Variants in LAMC1 observed in about 807,000 individuals in gnomAD.
LAMC1 encodes the protein laminin subunit gamma-1.
LAMC1 carries 38 observed loss-of-function variants against 173.6 expected under a neutral mutation model. The ratio of observed to expected loss-of-function variants is 0.22; its 90% CI spans 0.17 to 0.29. LAMC1 has a LOEUF of 0.29. Among genes scored for constraint, LAMC1 ranks in the 10% least tolerant of loss-of-function variants. The pLI, the probability that LAMC1 is intolerant of heterozygous loss-of-function variation, is 1.00. For missense variants in LAMC1, 1,824 were observed against 2,051.8 expected, an observed-to-expected ratio of 0.89 and a Z score of 2.14; for synonymous variants, 746 against 749.1, an observed-to-expected ratio of 1.00 and a Z score of 0.07.
chr1:183,119,089 G>C (rs931823435), intron 11 of LAMC1, among the ~76,000 whole-genome samples: 2 of 151,912 alleles, frequency 1.3e-5, no homozygotes, highest in African/African-American at 4.8e-5. Flanking sequence ...TAGAGATGGG[G>C]TTTTACCATA....
At chr1:183,127,446 G>A (rs370791174) in intron 17 of LAMC1, 42 bp downstream of exon 17, 32 of 1,576,786 alleles carry the variant, frequency 2.0e-5, no homozygotes, top group Middle Eastern at 1.7e-4. Flanking sequence ...TCCAGCAGAC[G>A]TTGAGTGGCA....
At chr1:183,044,454 G>T (rs1654214021) in intron 1 of LAMC1, among the ~76,000 whole-genome samples, 1 of 152,030 alleles carries the variant, frequency 6.6e-6, no homozygotes, top group Admixed American at 6.6e-5. Flanking sequence ...AAACCATTAG[G>T]TCAGTAACTT....
chr1:183,107,466 G>A (rs949047142), intron 2 of LAMC1, among the ~76,000 whole-genome samples: 2 of 152,232 alleles, frequency 1.3e-5, no homozygotes, highest in African/African-American at 2.4e-5. Flanking sequence ...ATTTATTAGC[G>A]AGTACTTGAG....
intron 5 of LAMC1, 83 bp from the exon 6 acceptor site, chr1:183,115,437 A>T: frequency 1.1e-6 from 1 of 902,538 alleles, no homozygotes; most frequent in Non-Finnish European, 1.8e-6. Context: ...GCTTTTAATT[A>T]CCAGTTATCT....
At chr1:183,116,189 G>A (rs6679642) in intron 6 of LAMC1, among the ~76,000 whole-genome samples, 78,239 of 151,082 alleles carry the variant, frequency 0.52, 20,918 homozygotes, top group South Asian at 0.65. Flanking sequence ...TTTTAAAAAA[G>A]TCTGTTGGCT....
At chr1:183,082,543 C>T (rs769364083) in intron 1 of LAMC1, among the ~76,000 whole-genome samples, 1 of 152,050 alleles carries the variant, frequency 6.6e-6, no homozygotes, top group Non-Finnish European at 1.5e-5. Flanking sequence ...TGTGTGTGTA[C>T]GCAGGAGTTG....
At chr1:183,067,098 A>T (rs1654894151) in intron 1 of LAMC1, among the ~76,000 whole-genome samples, 1 of 152,216 alleles carries the variant, frequency 6.6e-6, no homozygotes, top group African/African-American at 2.4e-5. Context: ...AGAGTGCATT[A>T]TAAGGTTAAT....
intron 1 of LAMC1, among the ~76,000 whole-genome samples, chr1:183,080,253 A>AAG (rs1655234962): frequency 6.6e-6 from 1 of 152,114 alleles, no homozygotes; most frequent in Non-Finnish European, 1.5e-5. Context: ...AGAAAAAAAA[A>AAG]TTTTTTTTGC....
At chr1:183,036,096 CTTTTTTT>C (rs35129932) in intron 1 of LAMC1, among the ~76,000 whole-genome samples, 1 of 137,426 alleles carries the variant, frequency 7.3e-6, no homozygotes. Flanking sequence ...TGAATGAATT[CTTTTTTT>C]TTTTTTTTTT....
Position 183,137,334 on chromosome 1 carries a change from C to T in LAMC1, c.4315-335C>T, listed in dbSNP as rs1379073558. Among the ~76,000 whole-genome samples, 3 of 152,090 alleles carry T rather than the reference C, an allele frequency of 2.0e-5. No homozygotes were observed. In the East Asian group the frequency reaches 5.8e-4, roughly 29 times the overall value. On this transcript the variant is annotated intron_variant, in intron 25 of 27. Transcript: ENST00000258341. Reference sequence around the variant, plus strand: ...CGAAAGCATCTAATCAATATGATGTCGTAGAAAGTGTATGCCATTAAATGT... The same window carrying T: ...CGAAAGCATCTAATCAATATGATGTTGTAGAAAGTGTATGCCATTAAATGT...
At chr1:183,137,356 A>G (rs1305822896) in intron 25 of LAMC1, among the ~76,000 whole-genome samples, 2 of 152,200 alleles carry the variant, frequency 1.3e-5, no homozygotes, top group African/African-American at 2.4e-5. Context: ...ATGCCATTAA[A>G]TGTTTATCAT....
chr1:183,026,381 G>C (rs1345649864), intron 1 of LAMC1, among the ~76,000 whole-genome samples: 1 of 152,078 alleles, frequency 6.6e-6, no homozygotes, highest in African/African-American at 2.4e-5. Flanking sequence ...TGTGTGTAGT[G>C]AGGTTGAGGT....
chr1:183,092,974 C>G (rs1655603660), intron 1 of LAMC1, among the ~76,000 whole-genome samples: 1 of 152,088 alleles, frequency 6.6e-6, no homozygotes, highest in South Asian at 2.1e-4. Context: ...CACCTCATTT[C>G]TTTATAGAAA....
chr1:183,120,043 C>T (rs1656427017), intron 11 of LAMC1, among the ~76,000 whole-genome samples: 1 of 151,788 alleles, frequency 6.6e-6, no homozygotes, highest in Admixed American at 6.6e-5. Context: ...GTGGCACACA[C>T]CTGTGGTCCT....
intron 14 of LAMC1, 152 bp downstream of exon 14, chr1:183,125,028 A>C: frequency 9.7e-7 from 1 of 1,026,080 alleles, no homozygotes; most frequent in Non-Finnish European, 1.4e-6. Flanking sequence ...TCACCACATT[A>C]AAAAAGTATA....
intron 26 of LAMC1, chr1:183,138,681 T>C (rs1273731411): frequency 1.3e-5 from 2 of 152,196 alleles, no homozygotes; most frequent in Non-Finnish European, 2.9e-5. Context: ...AATTTTATTA[T>C]GCTTTTTACA....
intron 1 of LAMC1, among the ~76,000 whole-genome samples, chr1:183,089,037 G>A (rs549133394): frequency 2.0e-5 from 3 of 152,302 alleles, no homozygotes; most frequent in Admixed American, 1.3e-4. Flanking sequence ...TATAGGGTGG[G>A]TTTATAGAAT....
At chr1:183,135,177 AG>A in intron 24 of LAMC1, 21 bp downstream of exon 24, 1 of 1,461,966 alleles carries the variant, frequency 6.8e-7, no homozygotes, top group African/African-American at 1.4e-5. Flanking sequence ...CTGAGATAAC[AG>A]GGGCAAATGC....
At chr1:183,077,635 A>G (rs1043966708) in intron 1 of LAMC1, among the ~76,000 whole-genome samples, 5 of 151,840 alleles carry the variant, frequency 3.3e-5, no homozygotes, top group Admixed American at 6.6e-5. Context: ...GCTCCCACAT[A>G]TCAGTGAGAA....
Sources: gnomAD v4.1 joint callset for allele counts (sites outside exome capture counted in the v4.1 genomes callset) on GRCh38, gnomAD v4.1.1 for gene constraint, MANE v1.5 for transcripts, NCBI Gene and HGNC (gene_info 2026-07-23, HGNC 2026-07-21) for gene names.